ATP2B1: variants seen among roughly 807,000 people sequenced by gnomAD.
The protein encoded by ATP2B1 is ATPase plasma membrane Ca2+ transporting 1.
Under a neutral mutation model 124.2 loss-of-function variants are expected in ATP2B1, and 14 were observed. That is an observed-to-expected ratio of 0.11 (90% CI 0.07 to 0.18). The LOEUF is 0.18. Among genes scored for constraint, ATP2B1 ranks in the 10% least tolerant of loss-of-function variants. The pLI, the probability that ATP2B1 is intolerant of heterozygous loss-of-function variation, is 1.00. For missense variants in ATP2B1, 763 were observed against 1,466.1 expected (o/e 0.52, Z 7.83); for synonymous variants, 449 against 492.4 (o/e 0.91, Z 1.17).
At chr12:89,653,419 C>A (rs1727984965) in intron 2 of ATP2B1, among the ~76,000 whole-genome samples, 1 of 151,192 alleles carries the variant, frequency 6.6e-6, no homozygotes, top group Admixed American at 6.6e-5. Flanking sequence ...GCCTCAGCCT[C>A]CCGAGTAGCT....
chr12:89,625,341 T>C (rs575981250), intron 8 of ATP2B1, among the ~76,000 whole-genome samples: 2 of 152,072 alleles, frequency 1.3e-5, no homozygotes, highest in South Asian at 4.2e-4. Context: ...CCCAGCACTT[T>C]GGGAAGCTAA....
intron 20 of ATP2B1, among the ~76,000 whole-genome samples, chr12:89,593,073 T>C (rs1486820747): frequency 6.6e-6 from 1 of 152,078 alleles, no homozygotes; most frequent in African/African-American, 2.4e-5. Context: ...TTTTTCAACT[T>C]CTTTTATTGC....
At chr12:89,683,432 GA>G (rs1889598813) in intron 1 of ATP2B1, among the ~76,000 whole-genome samples, 1 of 152,184 alleles carries the variant, frequency 6.6e-6, no homozygotes. Flanking sequence ...TGCCCTATCA[GA>G]AATCAGGCTC....
intron 1 of ATP2B1, among the ~76,000 whole-genome samples, chr12:89,679,188 T>C (rs771697513): frequency 2.6e-5 from 4 of 152,124 alleles, no homozygotes; most frequent in African/African-American, 4.8e-5. Flanking sequence ...ACCCACAGCC[T>C]GAGTTTGCAC....
chr12:89,686,439 C>T (rs1889980789), intron 1 of ATP2B1, among the ~76,000 whole-genome samples: 1 of 152,098 alleles, frequency 6.6e-6, no homozygotes, highest in African/African-American at 2.4e-5. Context: ...CTTTTGCGTA[C>T]ACTCACTTTT....
chr12:89,666,541 G>C (rs1271278655), intron 1 of ATP2B1, among the ~76,000 whole-genome samples: 4 of 152,052 alleles, frequency 2.6e-5, no homozygotes, highest in African/African-American at 9.7e-5. Flanking sequence ...ATCAACACTT[G>C]CCTCCCTAAA....
At chr12:89,654,453 T>C (rs780600544) in intron 2 of ATP2B1, among the ~76,000 whole-genome samples, 2 of 152,166 alleles carry the variant, frequency 1.3e-5, no homozygotes, top group African/African-American at 2.4e-5. Context: ...TTTGAAAAGA[T>C]ACAGAAAACC....
chr12:89,670,827 T>C (rs6538196), intron 1 of ATP2B1, among the ~76,000 whole-genome samples: 1 of 152,068 alleles, frequency 6.6e-6, no homozygotes, highest in East Asian at 1.9e-4. Flanking sequence ...GCTGGTCTGA[T>C]CTAAATGTAA....
intron 19 of ATP2B1, among the ~76,000 whole-genome samples, chr12:89,600,739 C>T (rs903824758): frequency 6.6e-6 from 1 of 151,488 alleles, no homozygotes; most frequent in Non-Finnish European, 1.5e-5. Context: ...ACCTCTGCCT[C>T]CTGGGTTCAA....
intron 5 of ATP2B1, among the ~76,000 whole-genome samples, chr12:89,634,013 T>C (rs984730191): frequency 2.6e-5 from 4 of 152,158 alleles, no homozygotes; most frequent in African/African-American, 9.7e-5. Context: ...TCTCATTCAG[T>C]GTTTTGGAAG....
At chr12:89,669,644 T>C (rs546588036) in intron 1 of ATP2B1, among the ~76,000 whole-genome samples, 7 of 152,314 alleles carry the variant, frequency 4.6e-5, no homozygotes, top group Admixed American at 3.3e-4. Flanking sequence ...GTCTTAGAGC[T>C]AGGGCCTGGC....
intron 19 of ATP2B1, among the ~76,000 whole-genome samples, chr12:89,599,706 T>C (rs1278520667): frequency 6.6e-6 from 1 of 151,976 alleles, no homozygotes; most frequent in African/African-American, 2.4e-5. Flanking sequence ...CAGAGTTCAA[T>C]GAGAAAAAAT....
chr12:89,611,505 T>C, intron 12 of ATP2B1, 133 bp from the exon 13 acceptor site: 2 of 668,022 alleles, frequency 3.0e-6, no homozygotes, highest in Non-Finnish European at 4.4e-6. Flanking sequence ...TAATAATGAT[T>C]GATTTCATTT....
chr12:89,649,142 C>A lies in ATP2B1; in HGVS notation c.208+6537G>T, dbSNP rs56235367. On this transcript the variant is annotated intron_variant, in intron 2 of 20. Transcript: ENST00000428670. ...GGGAATTGTAGGGTTGGAGCACCCA[C>A]AAAGTCCCCCCACTAGGGCACTGCT... 2.9e-3 allele frequency among the ~76,000 whole-genome samples: 441 copies of A among 152,342 alleles called. 1 individual carries two copies. The highest frequency in any genetic ancestry group is 0.01 in the African/African-American group (422 of 41,584).
intron 1 of ATP2B1, among the ~76,000 whole-genome samples, chr12:89,698,685 T>C (rs557150990): frequency 1.2e-4 from 19 of 152,300 alleles, no homozygotes; most frequent in Admixed American, 9.8e-4. Context: ...ACAAACTAAA[T>C]AGAAGTTCTG....
chr12:89,684,047 G>C (rs1889674391), intron 1 of ATP2B1, among the ~76,000 whole-genome samples: 1 of 152,014 alleles, frequency 6.6e-6, no homozygotes, highest in Non-Finnish European at 1.5e-5. Flanking sequence ...GAATTTCCAA[G>C]ATATATCCAT....
intron 1 of ATP2B1, among the ~76,000 whole-genome samples, chr12:89,670,447 T>C (rs1039029997): frequency 2.6e-5 from 4 of 152,070 alleles, no homozygotes; most frequent in African/African-American, 9.7e-5. Context: ...TTTCAACTTT[T>C]ATTTTAGATT....
chr12:89,709,109 G>A (rs1892904463), upstream of ATP2B1: 1 of 150,854 alleles, frequency 6.6e-6, no homozygotes. Context: ...GGGCACCGGA[G>A]AGCGGACGGC....
chr12:89,642,382 AAC>A (rs1223432927), intron 2 of ATP2B1, 27 bp from the exon 3 acceptor site: 1 of 1,574,904 alleles, frequency 6.3e-7, no homozygotes, highest in South Asian at 1.1e-5. Context: ...AATTTCAGTG[AAC>A]AGTTTTACTT....
Sources: gnomAD v4.1 joint callset for allele counts (sites outside exome capture counted in the v4.1 genomes callset) on GRCh38, gnomAD v4.1.1 for gene constraint, MANE v1.5 for transcripts, NCBI Gene and HGNC (gene_info 2026-07-23, HGNC 2026-07-21) for gene names.